SLC26A11: variants seen among roughly 807,000 people sequenced by gnomAD.
The protein encoded by SLC26A11 is sodium-independent sulfate anion transporter.
In SLC26A11, 58 loss-of-function variants were observed where a neutral mutation model predicts 62.2. The observed-to-expected ratio is 0.93, with a 90% CI of 0.76 to 1.16. SLC26A11 has a LOEUF of 1.16. Ranked by LOEUF, SLC26A11 falls within the 50% of genes most tolerant of loss-of-function variation. The pLI, the probability that SLC26A11 is intolerant of heterozygous loss-of-function variation, is 0.00. For missense variants in SLC26A11, 790 were observed against 794.3 expected (o/e 0.99, Z 0.06); for synonymous variants, 411 against 368.9 (o/e 1.11, Z -1.31).
At chr17:80,235,809 G>A (rs1292990777) in intron 7 of SLC26A11, among the ~76,000 whole-genome samples, 1 of 152,170 alleles carries the variant, frequency 6.6e-6, no homozygotes, top group Non-Finnish European at 1.5e-5. Context: ...AGGACAGTTC[G>A]ATCCATTTAG....
In SLC26A11 at chr17:80,246,437, CAAGAG is replaced by C. The variant is rs1371110539; in HGVS notation, c.1154-71_1154-67del. On this transcript the variant is annotated intron_variant, in intron 12 of 17. Coordinates refer to ENST00000361193, the MANE Select transcript of SLC26A11 (RefSeq NM_001166347.2). This position sits in a 1 kb window ranked among gnomAD's most constrained non-coding sequence, Gnocchi z 4.4. ...CCTGTCCCCAGTGGGCTCTGCTGAACAAGAGGCTGCTACGCTGCGTGCTGGGGGGA... is the reference window on the plus strand; with the variant it reads ...CCTGTCCCCAGTGGGCTCTGCTGAACGCTGCTACGCTGCGTGCTGGGGGGA... The C allele has an allele frequency of 2.5e-6, 4 of 1,587,696 alleles. No homozygotes were observed. The highest frequency in any genetic ancestry group is 3.4e-6 in the Non-Finnish European group (4 of 1,171,286).
intron 7 of SLC26A11, among the ~76,000 whole-genome samples, chr17:80,233,780 C>T (rs999623015): frequency 1.3e-5 from 2 of 151,030 alleles, no homozygotes; most frequent in Non-Finnish European, 2.9e-5. Flanking sequence ...TGTCTTCCTA[C>T]GTTGCCCAGG....
At chr17:80,231,052 C>G (rs1255788123) in intron 7 of SLC26A11, among the ~76,000 whole-genome samples, 2 of 150,678 alleles carry the variant, frequency 1.3e-5, no homozygotes, top group Non-Finnish European at 1.5e-5. Context: ...TTTCATTGAT[C>G]TCCCTTTTGC....
intron 14 of SLC26A11, 79 bp downstream of exon 14, chr17:80,248,336 G>T: frequency 1.3e-6 from 2 of 1,508,574 alleles, no homozygotes; most frequent in Non-Finnish European, 8.9e-7. Context: ...TGAGGGTCCG[G>T]GGTGATTGTG....
At chr17:80,239,381 C>G (rs1254350025) in intron 9 of SLC26A11, among the ~76,000 whole-genome samples, 7 of 147,168 alleles carry the variant, frequency 4.8e-5, no homozygotes, top group African/African-American at 1.6e-4. Flanking sequence ...GCTCAGCCCT[C>G]CAGTAATTTC....
chr17:80,253,095 G>A lies in SLC26A11; in HGVS notation c.*379G>A, dbSNP rs2043191569. On this transcript the variant is annotated 3_prime_UTR_variant, in exon 18 of 18. Transcript: ENST00000361193. ...CGGCTCACCAGTGCCACCTGCGGGG[G>A]AGGGACGGGGCAGGCAGGAGTCTGG... The A allele has an allele frequency of 6.2e-6, 1 of 162,282 alleles. No homozygotes were observed. Among genetic ancestry groups the A allele is most frequent in the Admixed American group, 6.3e-5 (1 of 15,962 alleles). The allele number at this position is 162,282 out of a possible 1,614,324, so 10.1% of individuals were successfully genotyped here.
At chr17:80,247,955 G>C (rs1255202248) in intron 13 of SLC26A11, among the ~76,000 whole-genome samples, 175 bp from the exon 14 acceptor site, 1 of 152,168 alleles carries the variant, frequency 6.6e-6, no homozygotes, top group East Asian at 1.9e-4. Flanking sequence ...TCTTTCTTTC[G>C]ACTTGAAGCA....
intron 13 of SLC26A11, among the ~76,000 whole-genome samples, chr17:80,247,055 CTT>C (rs527441968): frequency 2.1e-5 from 3 of 145,800 alleles, no homozygotes; most frequent in Admixed American, 6.8e-5. Context: ...ATGGCAGTTC[CTT>C]TTTTTTTTTT....
intron 17 of SLC26A11, among the ~76,000 whole-genome samples, chr17:80,251,940 T>C (rs184377872): frequency 4.5e-4 from 69 of 152,182 alleles, no homozygotes; most frequent in African/African-American, 1.3e-3. Flanking sequence ...CCCACATTTT[T>C]CATGCAGAAG....
intron 10 of SLC26A11, among the ~76,000 whole-genome samples, chr17:80,243,849 A>G (rs920327195): frequency 5.9e-5 from 9 of 152,240 alleles, no homozygotes; most frequent in African/African-American, 2.2e-4. Flanking sequence ...GCAGCCGCAC[A>G]GCAAGAAGCT....
At chr17:80,242,854 G>C (rs751055914) in intron 10 of SLC26A11, among the ~76,000 whole-genome samples, 17 of 152,128 alleles carry the variant, frequency 1.1e-4, no homozygotes, top group Middle Eastern at 3.4e-3. Context: ...GACTACAGGC[G>C]TGTGCCACCA....
chr17:80,221,188 A>G (rs1276657672), intron 2 of SLC26A11, 73 bp downstream of exon 2: 1 of 198,902 alleles, frequency 5.0e-6, no homozygotes, highest in East Asian at 1.2e-4. Context: ...AAAAAAGGCA[A>G]AGGAAGTCGG....
At chr17:80,224,408 TGA>T (rs1294838389) in intron 5 of SLC26A11, among the ~76,000 whole-genome samples, 2 of 140,840 alleles carry the variant, frequency 1.4e-5, no homozygotes, top group Non-Finnish European at 3.1e-5. Flanking sequence ...AGTGTGAGAG[TGA>T]GTGTGAGTGA....
chr17:80,248,384 G>C, intron 14 of SLC26A11, 127 bp downstream of exon 14: 1 of 1,386,178 alleles, frequency 7.2e-7, no homozygotes, highest in Non-Finnish European at 9.6e-7. Flanking sequence ...TCGCTGGCAG[G>C]TGGGCAGTCA....
At chr17:80,227,986 A>G (rs748541404) in intron 7 of SLC26A11, 26 bp downstream of exon 7, 1 of 1,592,408 alleles carries the variant, frequency 6.3e-7, no homozygotes, top group Non-Finnish European at 8.5e-7. Flanking sequence ...CTGACATCTT[A>G]TGCAACCTTG....
chr17:80,231,621 G>T (rs563138797), intron 7 of SLC26A11, among the ~76,000 whole-genome samples: 3 of 152,006 alleles, frequency 2.0e-5, no homozygotes, highest in African/African-American at 7.2e-5. Context: ...ATTTTTATTC[G>T]GTTCTAAATA....
At chr17:80,247,345 A>G (rs4890002) in intron 13 of SLC26A11, among the ~76,000 whole-genome samples, 34,058 of 151,986 alleles carry the variant, frequency 0.22, 4,371 homozygotes, top group East Asian at 0.35. Flanking sequence ...CGCGTTCTCA[A>G]TGAGCTGTTG....
intron 5 of SLC26A11, among the ~76,000 whole-genome samples, chr17:80,224,359 G>C (rs71368064): frequency 1.4e-5 from 2 of 144,370 alleles, no homozygotes. Context: ...GTGTGGGTGT[G>C]AGGGAGTGTG....
intron 5 of SLC26A11, 154 bp from the exon 6 acceptor site, chr17:80,225,683 A>G: frequency 1.5e-6 from 1 of 669,398 alleles, no homozygotes; most frequent in African/African-American, 1.8e-5. Context: ...GGGCAGGTGG[A>G]CCCCTGAGCC....
Sources: gnomAD v4.1 joint callset for allele counts (sites outside exome capture counted in the v4.1 genomes callset) on GRCh38, gnomAD v4.1.1 for gene constraint, Gnocchi (gnomAD v3.1) non-coding constraint, MANE v1.5 for transcripts, NCBI Gene and HGNC (gene_info 2026-07-23, HGNC 2026-07-21) for gene names.